The following BRAF variants were observed in gnomAD, a reference collection of about 807,000 sequenced individuals.
BRAF encodes serine/threonine-protein kinase B-raf.
BRAF carries 16 observed loss-of-function variants against 104.6 expected under a neutral mutation model. The observed-to-expected ratio is 0.15, with a 90% CI of 0.10 to 0.23. BRAF has a LOEUF of 0.23. BRAF is among the 10% of genes least tolerant of loss of function. BRAF has a pLI of 1.00. For missense variants in BRAF, 541 were observed against 937.3 expected (o/e 0.58, Z 5.52); for synonymous variants, 310 against 341.6 (o/e 0.91, Z 1.02).
At chr7:140,871,700 T>C (rs1418009083) in intron 1 of BRAF, among the ~76,000 whole-genome samples, 2 of 152,168 alleles carry the variant, frequency 1.3e-5, no homozygotes, top group Non-Finnish European at 2.9e-5. Context: ...GATTCTTAAA[T>C]TGTAGAGCTG....
At position 140,800,281 on chromosome 7, in the gene BRAF, G is replaced by T; in HGVS notation, c.980+81C>A. 4.4e-6 allele frequency: 7 copies of T among 1,599,234 alleles called. No individual in the cohort carries two copies. The South Asian group carries it at 7.7e-5, about 18-fold the overall frequency. ...CCTTAATTTAACAATTTAAACATTG[G>T]AAAGGTTTCTAATTAACCAGGAGAT... is the stretch of plus-strand genomic sequence containing the variant. On this transcript the variant is annotated intron_variant, in intron 7 of 19. Coordinates refer to ENST00000644969, the MANE Select transcript of BRAF (RefSeq NM_001374258.1).
At chr7:140,749,553 C>T (rs1797621970) in intron 16 of BRAF, 135 bp from the exon 16 acceptor site, 2 of 942,676 alleles carry the variant, frequency 2.1e-6, no homozygotes, top group Admixed American at 2.5e-5. Flanking sequence ...TCTTAATAGT[C>T]AAAGAAATAA....
chr7:140,865,552 G>C (rs796306093), intron 1 of BRAF, among the ~76,000 whole-genome samples: 4 of 152,156 alleles, frequency 2.6e-5, no homozygotes, highest in African/African-American at 4.8e-5. Context: ...AAAAATTAGA[G>C]AGCCAAAGGT....
intron 1 of BRAF, among the ~76,000 whole-genome samples, chr7:140,864,180 T>A (rs1349925041): frequency 3.9e-5 from 6 of 151,996 alleles, no homozygotes; most frequent in African/African-American, 1.5e-4. Context: ...AAGCAAGAGA[T>A]GATTGCTTGG....
At chr7:140,919,394 A>C (rs987599192) in intron 1 of BRAF, among the ~76,000 whole-genome samples, 1 of 152,082 alleles carries the variant, frequency 6.6e-6, no homozygotes, top group Non-Finnish European at 1.5e-5. Flanking sequence ...GGCCCAGAAA[A>C]AGAAGTTACT....
intron 9 of BRAF, among the ~76,000 whole-genome samples, chr7:140,786,570 T>A (rs1801380122): frequency 6.6e-6 from 1 of 152,202 alleles, no homozygotes; most frequent in Non-Finnish European, 1.5e-5. Context: ...TTGTCTTATG[T>A]GCTAGAGTGA....
At chr7:140,797,551 TACAG>T (rs1802618096) in intron 7 of BRAF, among the ~76,000 whole-genome samples, 1 of 152,190 alleles carries the variant, frequency 6.6e-6, no homozygotes, top group Admixed American at 6.5e-5. Context: ...GAAAATGACT[TACAG>T]ACAAGTTTGA....
intron 7 of BRAF, among the ~76,000 whole-genome samples, chr7:140,797,417 T>C (rs1185059207): frequency 6.6e-6 from 1 of 152,194 alleles, no homozygotes; most frequent in Non-Finnish European, 1.5e-5. Context: ...ATTACACTTG[T>C]TTCATGACCA....
At chr7:140,756,966 A>G (rs930229878) in intron 14 of BRAF, among the ~76,000 whole-genome samples, 3 of 152,182 alleles carry the variant, frequency 2.0e-5, no homozygotes, top group African/African-American at 7.2e-5. Context: ...CCCAAATTAA[A>G]AGCAATACTT....
chr7:140,724,008 A>G lies in BRAF; in HGVS notation c.*2486T>C. ...AAGAAAAGAGAGGTTTAAATATTTTATTTTTTAAGGTATCTATAAAAATCT... is the reference window on the plus strand; with the variant it reads ...AAGAAAAGAGAGGTTTAAATATTTTGTTTTTTAAGGTATCTATAAAAATCT... On this transcript the variant is annotated 3_prime_UTR_variant, in exon 20 of 20. Coordinates refer to ENST00000644969, the MANE Select transcript of BRAF (RefSeq NM_001374258.1). The G allele has an allele frequency of 3.8e-6, 4 of 1,043,056 alleles. No individual in the cohort carries two copies. Among genetic ancestry groups the G allele is most frequent in the Non-Finnish European group, 4.6e-6 (4 of 865,094 alleles). 64.6% of individuals were successfully genotyped at this position (1,043,056 alleles called of 1,614,324 possible).
intron 1 of BRAF, among the ~76,000 whole-genome samples, chr7:140,875,390 T>A (rs1420603742): frequency 6.6e-6 from 1 of 152,178 alleles, no homozygotes; most frequent in East Asian, 1.9e-4. Flanking sequence ...TACTATTATT[T>A]TTTGAGATAG....
chr7:140,734,425 A>G, intron 19 of BRAF: 1 of 1,513,940 alleles, frequency 6.6e-7, no homozygotes, highest in East Asian at 2.3e-5. Flanking sequence ...TCCAATGTTA[A>G]GTATAAATTT....
intron 14 of BRAF, among the ~76,000 whole-genome samples, chr7:140,758,714 C>T (rs568030770): frequency 6.6e-5 from 10 of 152,326 alleles, no homozygotes; most frequent in Non-Finnish European, 1.0e-4. Context: ...CTCGGCCTCC[C>T]GAAGTGCTAG....
chr7:140,716,064 A>G (rs1795122507), downstream of BRAF, among the ~76,000 whole-genome samples: 1 of 152,238 alleles, frequency 6.6e-6, no homozygotes, highest in Non-Finnish European at 1.5e-5. Context: ...TTGTGTACAC[A>G]TATATCAAAC....
chr7:140,736,232 G>T (rs961709396), intron 18 of BRAF, among the ~76,000 whole-genome samples: 1 of 150,922 alleles, frequency 6.6e-6, no homozygotes, highest in African/African-American at 2.4e-5. Flanking sequence ...CACCACGCCC[G>T]GATAATTTTG....
At chr7:140,782,007 C>T (rs181370625) in intron 11 of BRAF, among the ~76,000 whole-genome samples, 4 of 151,934 alleles carry the variant, frequency 2.6e-5, no homozygotes, top group African/African-American at 9.7e-5. Flanking sequence ...TGTGCTGCAC[C>T]CATTAACTTG....
intron 13 of BRAF, 76 bp downstream of exon 12, chr7:140,777,915 A>C: frequency 7.6e-7 from 1 of 1,313,778 alleles, no homozygotes; most frequent in Non-Finnish European, 1.1e-6. Context: ...TAAAGCTAAT[A>C]GTTGCTACCA....
chr7:140,791,143 A>G (rs1801920567), intron 8 of BRAF, among the ~76,000 whole-genome samples: 1 of 151,928 alleles, frequency 6.6e-6, no homozygotes, highest in African/African-American at 2.4e-5. Context: ...AAAACCAAAA[A>G]AAATTGTCCC....
In BRAF at chr7:140,883,721, T is replaced by C. The variant is rs531639908; in HGVS notation, c.139-33509A>G. 5.9e-5 allele frequency among the ~76,000 whole-genome samples: 9 copies of C among 152,340 alleles called. No individual in the cohort carries two copies. The South Asian group carries it at 1.0e-3, about 18-fold the overall frequency. ...ATCCTGATTTATCCACAGACCTCTC[T>C]GCTCACTAACTGAAACTAACCCCAG... On this transcript the variant is annotated intron_variant, in intron 1 of 19. Coordinates refer to ENST00000644969, the MANE Select transcript of BRAF (RefSeq NM_001374258.1).
Sources: allele counts gnomAD v4.1 joint callset (sites outside exome capture counted in the v4.1 genomes callset), GRCh38; gene constraint gnomAD v4.1.1; transcripts MANE v1.5; gene names NCBI Gene and HGNC (gene_info 2026-07-23, HGNC 2026-07-21).